Variants in NXPE2 observed in about 807,000 individuals in gnomAD.
NXPE2 encodes the protein neurexophilin and PC-esterase domain family member 2, also known as NXPE family member 2.
Under a neutral mutation model 34.4 loss-of-function variants are expected in NXPE2, and 34 were observed. That is an observed-to-expected ratio of 0.99 (90% CI 0.75 to 1.31). The LOEUF is 1.31. Ranked by LOEUF, NXPE2 falls within the 40% of genes most tolerant of loss-of-function variation. NXPE2 has a pLI of 0.00. For synonymous variants in NXPE2, 235 were observed against 231.3 expected, an observed-to-expected ratio of 1.02 and a Z score of -0.15; for missense variants, 649 against 672.5, an observed-to-expected ratio of 0.97 and a Z score of 0.39.
the NXPE2 span, among the ~76,000 whole-genome samples, chr11:114,619,390 T>A: frequency 1.3e-5 from 2 of 152,030 alleles, no homozygotes; most frequent in Non-Finnish European, 2.9e-5. Context: ...GGGTAACCAC[T>A]GTTACCCAGT....
chr11:114,507,247 C>CAAAA, the NXPE2 span, among the ~76,000 whole-genome samples: 11 of 91,404 alleles, frequency 1.2e-4, 1 homozygote, highest in African/African-American at 3.0e-4. Flanking sequence ...GCCAACCAAC[C>CAAAA]AAAAAAAAAA....
At chr11:114,701,708 C>T (rs746140523) in intron 3 of NXPE2, among the ~76,000 whole-genome samples, 13 of 152,284 alleles carry the variant, frequency 8.5e-5, no homozygotes, top group South Asian at 2.1e-4. Context: ...TTCCTTCTCA[C>T]GAATACAGGG....
At chr11:114,590,371 GC>G in the NXPE2 span, among the ~76,000 whole-genome samples, 4 of 152,150 alleles carry the variant, frequency 2.6e-5, no homozygotes, top group Non-Finnish European at 5.9e-5. Context: ...AAAGAATTAA[GC>G]CCATTTCCTC....
the NXPE2 span, among the ~76,000 whole-genome samples, chr11:114,499,751 G>A: frequency 1.3e-5 from 2 of 152,078 alleles, no homozygotes; most frequent in Admixed American, 1.3e-4. Context: ...TACCCCAAAT[G>A]TTCTCTCATG....
At chr11:114,589,999 A>G in the NXPE2 span, among the ~76,000 whole-genome samples, 1 of 152,238 alleles carries the variant, frequency 6.6e-6, no homozygotes, top group Non-Finnish European at 1.5e-5. Context: ...CTTTTTCTGC[A>G]TACTGTTACA....
the NXPE2 span, among the ~76,000 whole-genome samples, chr11:114,499,987 T>C: frequency 6.6e-6 from 1 of 152,048 alleles, no homozygotes; most frequent in Non-Finnish European, 1.5e-5. Context: ...TAGCATTCCA[T>C]GGTATGACTA....
chr11:114,517,064 C>T, the NXPE2 span, among the ~76,000 whole-genome samples: 1 of 152,282 alleles, frequency 6.6e-6, no homozygotes, highest in South Asian at 2.1e-4. Flanking sequence ...CAAGGCCTAC[C>T]ATATAATAGT....
the NXPE2 span, among the ~76,000 whole-genome samples, chr11:114,521,023 G>T: frequency 6.6e-6 from 1 of 152,192 alleles, no homozygotes; most frequent in African/African-American, 2.4e-5. Flanking sequence ...ATTCACTGAT[G>T]ATCTCTGCCT....
chr11:114,632,058 G>A, the NXPE2 span, among the ~76,000 whole-genome samples: 1 of 139,078 alleles, frequency 7.2e-6, no homozygotes, highest in African/African-American at 2.7e-5. Context: ...TTAATAATAT[G>A]TAAGAATTGT....
At chr11:114,627,933 T>A in the NXPE2 span, among the ~76,000 whole-genome samples, 12 of 152,068 alleles carry the variant, frequency 7.9e-5, no homozygotes, top group Admixed American at 7.9e-4. Flanking sequence ...AGGCCATTAT[T>A]TAATGGTAAA....
the NXPE2 span, chr11:114,513,038 C>G: frequency 4.5e-5 from 19 of 424,516 alleles, no homozygotes; most frequent in Admixed American, 1.7e-4. Flanking sequence ...GGTATCTGAC[C>G]CCCCCCAGAA....
chr11:114,805,976 G>C, the NXPE2 span, among the ~76,000 whole-genome samples: 2 of 152,148 alleles, frequency 1.3e-5, no homozygotes, highest in Non-Finnish European at 2.9e-5. Context: ...TCACACTGCC[G>C]GGTACTCCTC....
the NXPE2 span, among the ~76,000 whole-genome samples, chr11:114,740,581 C>T: frequency 6.6e-6 from 1 of 152,062 alleles, no homozygotes; most frequent in South Asian, 2.1e-4. Context: ...TTTACATTCC[C>T]ACTAACAATG....
chr11:114,538,357 C>A, the NXPE2 span, among the ~76,000 whole-genome samples: 3 of 152,016 alleles, frequency 2.0e-5, no homozygotes, highest in African/African-American at 2.4e-5. Context: ...ACCATTCAGG[C>A]CATAGGCATG....
At chr11:114,530,609 T>C in the NXPE2 span, 1 of 1,614,110 alleles carries the variant, frequency 6.2e-7, no homozygotes, top group Non-Finnish European at 8.5e-7. Context: ...CCCCACCATA[T>C]TGCTTCCTCT....
chr11:114,546,654 T>C, the NXPE2 span, among the ~76,000 whole-genome samples: 1 of 151,940 alleles, frequency 6.6e-6, no homozygotes, highest in Non-Finnish European at 1.5e-5. Flanking sequence ...GACACCCCAA[T>C]AGTAACAAAC....
At chr11:114,644,400 A>G in the NXPE2 span, among the ~76,000 whole-genome samples, 1 of 152,102 alleles carries the variant, frequency 6.6e-6, no homozygotes, top group African/African-American at 2.4e-5. Flanking sequence ...TTTGTCATAA[A>G]TTGCTCTTAT....
chr11:114,607,493 C>T, the NXPE2 span, among the ~76,000 whole-genome samples: 2 of 151,870 alleles, frequency 1.3e-5, no homozygotes, highest in African/African-American at 2.4e-5. Context: ...ACACCATTAC[C>T]GGCTGGATAC....
chr11:114,597,685 C>G, the NXPE2 span, among the ~76,000 whole-genome samples: 222 of 151,862 alleles, frequency 1.5e-3, no homozygotes, highest in African/African-American at 5.0e-3. Context: ...ATCACTTTGT[C>G]AGGGGATATG....
Sources: gnomAD v4.1 joint callset for allele counts (sites outside exome capture counted in the v4.1 genomes callset) on GRCh38, gnomAD v4.1.1 for gene constraint, MANE v1.5 for transcripts, NCBI Gene and HGNC (gene_info 2026-07-23, HGNC 2026-07-21) for gene names.